IGSF11: variants seen among roughly 807,000 people sequenced by gnomAD.
IGSF11 encodes the protein CXADR like 1.
A neutral mutation model predicts 41.0 loss-of-function variants in IGSF11; 22 were observed. That is an observed-to-expected ratio of 0.54 (90% CI 0.38 to 0.77). The LOEUF is 0.77. IGSF11 is among the 30% of genes least tolerant of loss of function. IGSF11 has a pLI of 0.00. For missense variants in IGSF11, 444 were observed against 530.8 expected (o/e 0.84, Z 1.61); for synonymous variants, 219 against 201.3 (o/e 1.09, Z -0.74).
At chr3:119,131,510 A>G (rs1384985555) in intron 1 of IGSF11, among the ~76,000 whole-genome samples, 1 of 152,212 alleles carries the variant, frequency 6.6e-6, no homozygotes, top group East Asian at 1.9e-4. Context: ...AAAACAGAGT[A>G]AAAAGAAGGG....
chr3:119,003,297 T>G (rs1391512010), intron 1 of IGSF11, among the ~76,000 whole-genome samples: 1 of 143,762 alleles, frequency 7.0e-6, no homozygotes, highest in Non-Finnish European at 1.5e-5. Flanking sequence ...TGTATAAGAA[T>G]GCTTGTGATT....
intron 1 of IGSF11, among the ~76,000 whole-genome samples, chr3:118,942,428 GC>G (rs1318065031): frequency 6.6e-6 from 1 of 152,182 alleles, no homozygotes; most frequent in Non-Finnish European, 1.5e-5. Context: ...AGCAATAGAA[GC>G]TCAACATAGA....
At chr3:119,018,415 G>C (rs1377159323) in intron 1 of IGSF11, among the ~76,000 whole-genome samples, 1 of 152,142 alleles carries the variant, frequency 6.6e-6, no homozygotes, top group Non-Finnish European at 1.5e-5. Context: ...TCTCTAGTTA[G>C]GCCCTAGAAT....
At chr3:118,914,410 G>T (rs369280859) in intron 4 of IGSF11, among the ~76,000 whole-genome samples, 1 of 149,892 alleles carries the variant, frequency 6.7e-6, no homozygotes, top group Non-Finnish European at 1.5e-5. Flanking sequence ...CACCGTGTGC[G>T]AGCCGAAGCA....
intron 4 of IGSF11, among the ~76,000 whole-genome samples, chr3:118,908,235 T>C (rs1939851954): frequency 6.6e-6 from 1 of 152,326 alleles, no homozygotes; most frequent in African/African-American, 2.4e-5. Flanking sequence ...GAAAAGTTAT[T>C]TTTAAAAGGT....
chr3:119,032,023 C>T (rs1940449859), intron 1 of IGSF11, among the ~76,000 whole-genome samples: 1 of 152,182 alleles, frequency 6.6e-6, no homozygotes, highest in South Asian at 2.1e-4. Flanking sequence ...GTCAGCTTTT[C>T]AATTCAAATT....
chr3:119,086,534 T>C (rs1251062931), intron 1 of IGSF11, among the ~76,000 whole-genome samples: 1 of 151,434 alleles, frequency 6.6e-6, no homozygotes, highest in Non-Finnish European at 1.5e-5. Context: ...TCAGGACACC[T>C]ACAAGGGGAA....
At chr3:119,042,410 T>G (rs191800034) in intron 1 of IGSF11, among the ~76,000 whole-genome samples, 42 of 152,348 alleles carry the variant, frequency 2.8e-4, no homozygotes, top group Admixed American at 9.1e-4. Context: ...TGACTGGATA[T>G]AAACTCAATA....
At chr3:119,009,133 T>C (rs1295487172) in intron 1 of IGSF11, among the ~76,000 whole-genome samples, 1 of 152,148 alleles carries the variant, frequency 6.6e-6, no homozygotes, top group African/African-American at 2.4e-5. Flanking sequence ...AAAGTACACA[T>C]TCTTTAGTCT....
At chr3:119,124,858 T>C (rs1289840208) in intron 1 of IGSF11, among the ~76,000 whole-genome samples, 1 of 151,344 alleles carries the variant, frequency 6.6e-6, no homozygotes, top group Non-Finnish European at 1.5e-5. Flanking sequence ...CTCAAGGAGG[T>C]AATAAATAGT....
intron 1 of IGSF11, among the ~76,000 whole-genome samples, chr3:118,942,193 A>T (rs1276305448): frequency 6.6e-6 from 1 of 152,236 alleles, no homozygotes; most frequent in African/African-American, 2.4e-5. Flanking sequence ...TCACAGAATC[A>T]TGGAAATGGC....
intron 1 of IGSF11, among the ~76,000 whole-genome samples, chr3:119,026,165 C>T (rs1939803612): frequency 6.6e-6 from 1 of 151,974 alleles, no homozygotes; most frequent in African/African-American, 2.4e-5. Context: ...GAGTTTTTAC[C>T]CTAGAATATG....
chr3:119,126,536 C>T (rs774797063), intron 1 of IGSF11, among the ~76,000 whole-genome samples: 32 of 152,198 alleles, frequency 2.1e-4, no homozygotes, highest in Non-Finnish European at 3.5e-4. Flanking sequence ...CTTCATTAAA[C>T]GAGTCCTGCT....
intron 3 of IGSF11, 123 bp from the exon 4 acceptor site, chr3:118,926,379 G>C: frequency 1.3e-6 from 1 of 757,574 alleles, no homozygotes; most frequent in Non-Finnish European, 2.0e-6. Flanking sequence ...CATATACCAG[G>C]AGACAGACTC....
chr3:119,008,233 GC>G (rs10707311), intron 1 of IGSF11, among the ~76,000 whole-genome samples: 60,466 of 151,954 alleles, frequency 0.4, 14,735 homozygotes, highest in African/African-American at 0.69. Flanking sequence ...AAAAGAAAAA[GC>G]CACATTTGTC....
chr3:119,073,950 C>T (rs979891006), intron 1 of IGSF11, among the ~76,000 whole-genome samples: 7 of 152,214 alleles, frequency 4.6e-5, no homozygotes, highest in South Asian at 2.1e-4. Context: ...GCTGCCAGCA[C>T]GCTGTCACCT....
At chr3:119,092,304 AGTG>A (rs929200913) in intron 1 of IGSF11, among the ~76,000 whole-genome samples, 110 of 152,304 alleles carry the variant, frequency 7.2e-4, no homozygotes, top group African/African-American at 2.3e-3. Flanking sequence ...TAATAAATTT[AGTG>A]TAGCCTAAGT....
chr3:119,036,947 C>G (rs1472872811), upstream of IGSF11, among the ~76,000 whole-genome samples: 1 of 152,050 alleles, frequency 6.6e-6, no homozygotes, highest in East Asian at 1.9e-4. Flanking sequence ...AGGAGGCAAT[C>G]CAGCTGCTGA....
chr3:119,070,778 C>CA (rs2076387646), intron 1 of IGSF11, among the ~76,000 whole-genome samples: 1 of 152,100 alleles, frequency 6.6e-6, no homozygotes, highest in Admixed American at 6.5e-5. Flanking sequence ...CATTTCTCTC[C>CA]ATGTCTATAC....
Sources: gnomAD v4.1 joint callset for allele counts (sites outside exome capture counted in the v4.1 genomes callset) on GRCh38, gnomAD v4.1.1 for gene constraint, MANE v1.5 for transcripts, NCBI Gene and HGNC (gene_info 2026-07-23, HGNC 2026-07-21) for gene names.